Variants in ANKRD17 observed in about 807,000 individuals in gnomAD.
ANKRD17 encodes the protein ankyrin repeat domain 17.
In ANKRD17, 19 loss-of-function variants were observed where a neutral mutation model predicts 229.7. The ratio of observed to expected loss-of-function variants is 0.08; its 90% CI spans 0.06 to 0.12. ANKRD17 has a LOEUF of 0.12. Ranked by LOEUF, ANKRD17 falls within the 10% of genes least tolerant of loss-of-function variation. ANKRD17 has a pLI of 1.00. For missense variants in ANKRD17, 2,176 were observed against 3,176.8 expected, an observed-to-expected ratio of 0.68 and a Z score of 7.57; for synonymous variants, 1,112 against 1,146.1, an observed-to-expected ratio of 0.97 and a Z score of 0.60.
chr4:73,234,435 T>C (rs1743329568), intron 1 of ANKRD17, among the ~76,000 whole-genome samples: 1 of 152,240 alleles, frequency 6.6e-6, no homozygotes, highest in Non-Finnish European at 1.5e-5. Context: ...TTCATCCTCT[T>C]GATTGTCCTC....
At chr4:73,101,022 C>T in intron 25 of ANKRD17, 2 of 961,484 alleles carry the variant, frequency 2.1e-6, no homozygotes, top group Non-Finnish European at 1.2e-6. Context: ...CAACTATTTA[C>T]ATAGCATTTG....
In ANKRD17 at chr4:73,120,994, C is replaced by T; in HGVS notation, c.3736G>A (p.Ala1246Thr). ...LLLDMGSDIN[A>T]QIETNRNTAL... ...GTGTTCCGATTGGTTTCTATCTGAG[C>T]ATTTATGTCAGAGCCCATGTCTAAC... The change falls in exon 20 of 34, where the codon GCT becomes ACT. Residue 1246 changes from alanine (A) to threonine (T), a missense_variant. Physicochemically the swap from Ala to Thr is moderately conservative, Grantham distance 58 (BLOSUM62 0). Transcript: ENST00000358602. 1 of 1,613,792 alleles carries T rather than the reference C, an allele frequency of 6.2e-7. No homozygotes were observed. The highest frequency in any genetic ancestry group is 8.5e-7 in the Non-Finnish European group (1 of 1,179,868).
rs375908955 is a variant in ANKRD17, at chr4:73,098,536, T to C, written c.4574-16A>G. 53 of 1,601,378 alleles carry C rather than the reference T, an allele frequency of 3.3e-5. No homozygotes were observed. The highest frequency in any genetic ancestry group is 4.4e-5 in the Non-Finnish European group (52 of 1,174,902). On this transcript the variant is annotated splice_polypyrimidine_tract_variant and intron_variant, in intron 25 of 33. Coordinates refer to ENST00000358602, the MANE Select transcript of ANKRD17 (RefSeq NM_032217.5). ...TCAGGCTCATCTGTAAAAGTAGCAA[T>C]ACTGAATTAGCAAGTTCTAAGTGTT...
chr4:73,133,720 T>C (rs1305065950), intron 16 of ANKRD17, among the ~76,000 whole-genome samples: 1 of 151,974 alleles, frequency 6.6e-6, no homozygotes, highest in Non-Finnish European at 1.5e-5. Context: ...TAAAAGGCTA[T>C]GTAGATGGTA....
At chr4:73,112,193 G>A (rs1725403177) in intron 24 of ANKRD17, among the ~76,000 whole-genome samples, 1 of 152,118 alleles carries the variant, frequency 6.6e-6, no homozygotes, top group South Asian at 2.1e-4. Flanking sequence ...AATTGCAGAG[G>A]TAAAGATTTT....
At chr4:73,149,434 A>C (rs1328644456) in intron 7 of ANKRD17, among the ~76,000 whole-genome samples, 1 of 152,226 alleles carries the variant, frequency 6.6e-6, no homozygotes, top group Non-Finnish European at 1.5e-5. Context: ...AAGAATCTTT[A>C]AGGATAAGCA....
At chr4:73,177,155 CT>C (rs768994625) in intron 2 of ANKRD17, among the ~76,000 whole-genome samples, 1 of 152,158 alleles carries the variant, frequency 6.6e-6, no homozygotes, top group Non-Finnish European at 1.5e-5. Flanking sequence ...TGAAAAATCT[CT>C]CTTTGTAAGG....
intron 1 of ANKRD17, among the ~76,000 whole-genome samples, chr4:73,235,948 C>G (rs1266932345): frequency 1.3e-5 from 2 of 152,038 alleles, no homozygotes; most frequent in African/African-American, 4.8e-5. Context: ...ATGCAATCCT[C>G]TTGCCTCAGC....
intron 24 of ANKRD17, chr4:73,112,796 T>C: frequency 2.7e-6 from 2 of 729,754 alleles, no homozygotes; most frequent in Non-Finnish European, 3.4e-6. Flanking sequence ...AAAAATTTTA[T>C]TTATTTTTTG....
Position 73,156,176 on chromosome 4 carries a change from A to T in ANKRD17, c.705-10T>A, listed in dbSNP as rs1243623272. The T allele has an allele frequency of 6.3e-7, 1 of 1,584,558 alleles. No individual in the cohort carries two copies. On this transcript the variant is annotated splice_polypyrimidine_tract_variant and intron_variant, in intron 3 of 33. Coordinates refer to ENST00000358602, the MANE Select transcript of ANKRD17 (RefSeq NM_032217.5). ...TTCTGCCAAACTGCGGCTATTACGG[A>T]AAGAATATCACAATACCAGAATATA...
At position 73,139,578 on chromosome 4, in the gene ANKRD17, G is replaced by T. The variant is rs1560579747; in HGVS notation, c.3038C>A (p.Ala1013Asp). ...GTCATTGAGGGTCTGAGCAGGGCTG[G>T]CTACCATTAACCCTTGTTGTGTTTC... ...LTETQQGLMV[A>D]SPAQTLNDTL... Residue 1013 changes from alanine to aspartate, a missense_variant, in exon 15 of 34, where the codon GCC (alanine) becomes GAC (aspartate). Ala to Asp is a moderately radical substitution (Grantham distance 126). Around this residue, in one of 18 missense-constraint regions of ANKRD17, gnomAD observed 230 missense variants for 252.3 expected, o/e 0.91. Coordinates refer to ENST00000358602, the MANE Select transcript of ANKRD17 (RefSeq NM_032217.5). The T allele has an allele frequency of 6.2e-7, 1 of 1,614,166 alleles. No homozygotes were observed. Among genetic ancestry groups the T allele is most frequent in the Non-Finnish European group, 8.5e-7 (1 of 1,180,036 alleles).
chr4:73,177,432 C>T lies in ANKRD17; in HGVS notation c.495G>A (p.Arg165=). The change falls in exon 2 of 34, where the codon AGG becomes AGA. Residue 165 remains arginine (R), a synonymous_variant. Transcript: ENST00000358602. ...TAGCCTGTGTTTCTGGATCTACTGTCCTGAGGTCTGCACCATCAGCAGTAC... is the reference window on the plus strand; with the variant it reads ...TAGCCTGTGTTTCTGGATCTACTGTTCTGAGGTCTGCACCATCAGCAGTAC... The part of the protein sequence containing the change: ...LSGTADGADL[R]TVDPETQARL... 6.2e-7 allele frequency: 1 copy of T among 1,613,534 alleles called. No individual in the cohort carries two copies. Among genetic ancestry groups the T allele is most frequent in the Non-Finnish European group, 8.5e-7 (1 of 1,179,638 alleles).
intron 8 of ANKRD17, among the ~76,000 whole-genome samples, chr4:73,148,232 C>T (rs1730546006): frequency 6.6e-6 from 1 of 152,120 alleles, no homozygotes; most frequent in African/African-American, 2.4e-5. Context: ...AAAAACTTTA[C>T]TACTGAAAGA....
chr4:73,116,228 G>A (rs1725936319), intron 22 of ANKRD17, among the ~76,000 whole-genome samples: 1 of 151,656 alleles, frequency 6.6e-6, no homozygotes, highest in South Asian at 2.1e-4. Context: ...GTGGGGGGTG[G>A]GGATTCTTAT....
At chr4:73,194,445 G>C (rs1030567667) in intron 1 of ANKRD17, among the ~76,000 whole-genome samples, 1 of 152,134 alleles carries the variant, frequency 6.6e-6, no homozygotes, top group Non-Finnish European at 1.5e-5. Context: ...GTGCCACACT[G>C]TTTTGATTAG....
intron 10 of ANKRD17, among the ~76,000 whole-genome samples, chr4:73,145,629 T>G (rs1730171022): frequency 1.3e-5 from 2 of 152,178 alleles, no homozygotes; most frequent in Admixed American, 6.5e-5. Context: ...ACTAACCAAG[T>G]ACTAAAGATT....
chr4:73,256,077 C>T (rs77684619), intron 1 of ANKRD17, among the ~76,000 whole-genome samples: 1 of 152,070 alleles, frequency 6.6e-6, no homozygotes, highest in African/African-American at 2.4e-5. Flanking sequence ...TCATAAATGA[C>T]AAACCCATTG....
intron 1 of ANKRD17, among the ~76,000 whole-genome samples, chr4:73,251,475 G>A (rs936882596): frequency 6.6e-6 from 1 of 151,954 alleles, no homozygotes; most frequent in African/African-American, 2.4e-5. Flanking sequence ...CAAGGGACTA[G>A]AAGGGTATTC....
Position 73,125,217 on chromosome 4 carries a change from C to A in ANKRD17, c.3330G>T (p.Glu1110Asp). ...AGGCCCTACCTTTCTTGTCTCGGTGCTCTATACTAGCTCCTCTCTCTAGCA... is the reference window on the plus strand; with the variant it reads ...AGGCCCTACCTTTCTTGTCTCGGTGATCTATACTAGCTCCTCTCTCTAGCA... ...QTLLERGASIEHRDKKGFTPL... is the reference protein window; with the variant it reads ...QTLLERGASIDHRDKKGFTPL... Residue 1110 changes from glutamate (E) to aspartate (D), a missense_variant, in exon 17 of 34, where the codon GAG becomes GAT. Around this residue, in one of 18 missense-constraint regions of ANKRD17, gnomAD observed 178 missense variants for 421.7 expected, o/e 0.42. Transcript: ENST00000358602. 1 of 1,610,198 alleles carries A rather than the reference C, an allele frequency of 6.2e-7. No individual in the cohort carries two copies. Among genetic ancestry groups the A allele is most frequent in the Non-Finnish European group, 8.5e-7 (1 of 1,178,976 alleles).
Sources: gnomAD v4.1 joint callset for allele counts (sites outside exome capture counted in the v4.1 genomes callset) on GRCh38, gnomAD v4.1.1 for gene constraint, gnomAD v4.1.1 regional missense constraint, MANE v1.5 for transcripts, NCBI Gene and HGNC (gene_info 2026-07-23, HGNC 2026-07-21) for gene names.